PLD5: variants seen among roughly 807,000 people sequenced by gnomAD.
PLD5 encodes inactive phospholipase D5.
In PLD5, 36 loss-of-function variants were observed where a neutral mutation model predicts 61.1. That is an observed-to-expected ratio of 0.59 (90% CI 0.45 to 0.78). PLD5 has a LOEUF of 0.78. Among genes scored for constraint, PLD5 ranks in the 30% least tolerant of loss-of-function variants. The pLI is 0.00. For missense variants in PLD5, 515 were observed against 644.4 expected (o/e 0.80, Z 2.17); for synonymous variants, 243 against 242.8 (o/e 1.00, Z -0.01).
In PLD5 at chr1:242,300,500, T is replaced by A. The variant is rs374021080; in HGVS notation, c.327-11970A>T. On this transcript the variant is annotated intron_variant, in intron 2 of 9. Coordinates refer to ENST00000536534, the MANE Select transcript of PLD5 (RefSeq NM_001372062.1). ...AAAGAAGAAGAAATCAAGGCAGAAATGAGGTTGGAGTGTTGGAAGAACATC... is the reference window on the plus strand; with the variant it reads ...AAAGAAGAAGAAATCAAGGCAGAAAAGAGGTTGGAGTGTTGGAAGAACATC... 4.0e-5 allele frequency among the ~76,000 whole-genome samples: 6 copies of A among 149,818 alleles called. No individual in the cohort carries two copies. The East Asian group carries it at 1.2e-3, about 30-fold the overall frequency.
intron 5 of PLD5, among the ~76,000 whole-genome samples, chr1:242,203,109 C>A (rs971892955): frequency 3.9e-5 from 6 of 152,198 alleles, no homozygotes; most frequent in African/African-American, 1.4e-4. Flanking sequence ...ATGAGCAGGA[C>A]TTGATTAACG....
intron 1 of PLD5, among the ~76,000 whole-genome samples, chr1:242,423,610 T>C (rs1418265633): frequency 6.6e-6 from 1 of 152,218 alleles, no homozygotes; most frequent in East Asian, 1.9e-4. Flanking sequence ...AAGACCAGCC[T>C]GGGCAACATA....
At chr1:242,434,634 G>A (rs1021016961) in intron 1 of PLD5, among the ~76,000 whole-genome samples, 2 of 151,966 alleles carry the variant, frequency 1.3e-5, no homozygotes, top group Non-Finnish European at 2.9e-5. Context: ...TATTTTTTGA[G>A]ATGGAGTCTC....
At chr1:242,260,363 A>G (rs1192415221) in intron 4 of PLD5, among the ~76,000 whole-genome samples, 2 of 148,142 alleles carry the variant, frequency 1.4e-5, no homozygotes, top group Non-Finnish European at 3.0e-5. Context: ...AAAAAAAAAG[A>G]ATTGTCACGA....
At chr1:242,457,148 C>T (rs948723249) in intron 1 of PLD5, among the ~76,000 whole-genome samples, 4 of 152,044 alleles carry the variant, frequency 2.6e-5, no homozygotes, top group South Asian at 2.1e-4. Context: ...CTAGTGAACT[C>T]GAAACAGACA....
At chr1:242,480,953 T>A (rs528989959) in intron 1 of PLD5, among the ~76,000 whole-genome samples, 95 of 152,344 alleles carry the variant, frequency 6.2e-4, no homozygotes, top group Middle Eastern at 6.8e-3. Context: ...AGGGTTTTTT[T>A]AATTTTAATA....
At chr1:242,278,113 C>T (rs1408281083) in intron 3 of PLD5, among the ~76,000 whole-genome samples, 1 of 152,144 alleles carries the variant, frequency 6.6e-6, no homozygotes, top group East Asian at 1.9e-4. Flanking sequence ...TTTGGTTTCT[C>T]TCTCATTTCT....
At chr1:242,222,871 T>A (rs1670690196) in intron 4 of PLD5, among the ~76,000 whole-genome samples, 1 of 152,260 alleles carries the variant, frequency 6.6e-6, no homozygotes, top group Admixed American at 6.5e-5. Flanking sequence ...AAAGGAAAAG[T>A]ATCATTCCTT....
chr1:242,216,932 C>A (rs1184192955), intron 5 of PLD5, among the ~76,000 whole-genome samples: 1 of 152,118 alleles, frequency 6.6e-6, no homozygotes, highest in Non-Finnish European at 1.5e-5. Context: ...AATTGTGGGA[C>A]CCTTAAGAAT....
chr1:242,352,093 A>C (rs1236265393), intron 1 of PLD5, among the ~76,000 whole-genome samples: 1 of 152,152 alleles, frequency 6.6e-6, no homozygotes, highest in African/African-American at 2.4e-5. Context: ...TTAATGATAC[A>C]ATGTACAGTA....
chr1:242,529,672 G>A (rs1286871884), upstream of PLD5, among the ~76,000 whole-genome samples: 2 of 152,192 alleles, frequency 1.3e-5, no homozygotes, highest in South Asian at 2.1e-4. Context: ...GAGAGGGAGA[G>A]GTCAACTAGC....
intron 1 of PLD5, among the ~76,000 whole-genome samples, chr1:242,440,509 C>A (rs1054291322): frequency 4.6e-5 from 7 of 152,186 alleles, no homozygotes; most frequent in Non-Finnish European, 1.0e-4. Flanking sequence ...GAAAACTGAT[C>A]GGGTATAGAT....
At chr1:242,163,142 C>CTT (rs1484018271) in intron 5 of PLD5, among the ~76,000 whole-genome samples, 9 of 131,198 alleles carry the variant, frequency 6.9e-5, no homozygotes, top group South Asian at 2.5e-4. Context: ...ATTTTCTTTT[C>CTT]TTTTCTTTCT....
At chr1:242,417,053 G>A (rs1426766186) in intron 1 of PLD5, among the ~76,000 whole-genome samples, 1 of 152,152 alleles carries the variant, frequency 6.6e-6, no homozygotes, top group African/African-American at 2.4e-5. Flanking sequence ...TGTAAGTGTA[G>A]CCCAAAAGAG....
In PLD5 at chr1:242,256,341, G is replaced by A. The variant is rs146593671; in HGVS notation, c.607+8996C>T. Among the ~76,000 whole-genome samples, 13 of 152,256 alleles carry A rather than the reference G, an allele frequency of 8.5e-5. No individual in the cohort carries two copies. Among genetic ancestry groups the A allele is most frequent in the African/African-American group, 3.1e-4 (13 of 41,538 alleles). On this transcript the variant is annotated intron_variant, in intron 4 of 9. Transcript: ENST00000536534. This position sits in a 1 kb window ranked among gnomAD's most constrained non-coding sequence, Gnocchi z 5.7. ...GAAATTTAATTTTAAAATCTCATGG[G>A]GAGAAAAATCTGAAGATCTATTTCT...
At chr1:242,214,587 T>C (rs1670029267) in intron 5 of PLD5, among the ~76,000 whole-genome samples, 1 of 152,154 alleles carries the variant, frequency 6.6e-6, no homozygotes, top group Non-Finnish European at 1.5e-5. Flanking sequence ...ATTGCATCAA[T>C]TTTTCCACCA....
intron 1 of PLD5, among the ~76,000 whole-genome samples, chr1:242,478,734 A>C (rs1667676216): frequency 1.3e-5 from 2 of 152,202 alleles, no homozygotes; most frequent in Admixed American, 6.5e-5. Context: ...GTTGTAATTC[A>C]TTGTTCTCCT....
chr1:242,204,950 C>T lies in PLD5; in HGVS notation c.735+15038G>A, dbSNP rs182333669. 1.5e-3 allele frequency among the ~76,000 whole-genome samples: 223 copies of T among 152,194 alleles called. 1 individual carries two copies. Among genetic ancestry groups the T allele is most frequent in the Non-Finnish European group, 2.4e-3 (166 of 68,014 alleles). ...AGCTTCTGTTTTCAGATGTATAGTG[C>T]GTATGTTACTGAAAGCCAAAGTCCA... On this transcript the variant is annotated intron_variant, in intron 5 of 9. Transcript: ENST00000536534.
chr1:242,278,407 A>C (rs1401872123), intron 3 of PLD5, among the ~76,000 whole-genome samples: 1 of 152,242 alleles, frequency 6.6e-6, no homozygotes, highest in African/African-American at 2.4e-5. Flanking sequence ...TTAAACTCTT[A>C]CTAATGATAA....
Sources: gnomAD v4.1 joint callset for allele counts (sites outside exome capture counted in the v4.1 genomes callset) on GRCh38, gnomAD v4.1.1 for gene constraint, Gnocchi (gnomAD v3.1) non-coding constraint, MANE v1.5 for transcripts, NCBI Gene and HGNC (gene_info 2026-07-23, HGNC 2026-07-21) for gene names.